The following AHNAK variants were observed in gnomAD, a reference collection of about 807,000 sequenced individuals.
AHNAK encodes the protein AHNAK nucleoprotein, also known as neuroblast differentiation-associated protein AHNAK.
In AHNAK, 23 loss-of-function variants were observed where a neutral mutation model predicts 37.8. The ratio of observed to expected loss-of-function variants is 0.61; its 90% CI spans 0.44 to 0.86. AHNAK has a LOEUF of 0.86. Among genes scored for constraint, AHNAK ranks in the 40% least tolerant of loss-of-function variants. The probability of loss-of-function intolerance (pLI) is 0.00; values close to 1 mark genes in which losing one functional copy is unlikely to be tolerated. For missense variants in AHNAK, 7,411 were observed against 7,319.4 expected (o/e 1.01, Z -0.46); for synonymous variants, 2,481 against 2,636.3 (o/e 0.94, Z 1.80).
At chr11:62,498,023 CA>C (rs1446371545) in intron 4 of AHNAK, among the ~76,000 whole-genome samples, 4 of 151,704 alleles carry the variant, frequency 2.6e-5, no homozygotes, top group African/African-American at 9.7e-5. Context: ...GAGGAATTGT[CA>C]AATATGCAAT....
chr11:62,458,367 C>T (rs1250894676), intron 5 of AHNAK, among the ~76,000 whole-genome samples: 4 of 151,952 alleles, frequency 2.6e-5, no homozygotes, highest in African/African-American at 9.7e-5. Flanking sequence ...TAGGGACGGT[C>T]CCACTTGATC....
chr11:62,441,308 G>T (rs990119176), intron 5 of AHNAK, among the ~76,000 whole-genome samples: 1 of 151,342 alleles, frequency 6.6e-6, no homozygotes, highest in African/African-American at 2.4e-5. Flanking sequence ...GGCCTCTACA[G>T]AAAATTTTTA....
intron 5 of AHNAK, among the ~76,000 whole-genome samples, chr11:62,465,492 A>G (rs1279621393): frequency 1.3e-5 from 2 of 152,018 alleles, no homozygotes; most frequent in Admixed American, 6.6e-5. Context: ...AGGCGCCTGT[A>G]ATCCCAGCTA....
chr11:62,494,033 AAATG>A (rs1352005486), intron 4 of AHNAK, among the ~76,000 whole-genome samples: 2 of 152,024 alleles, frequency 1.3e-5, no homozygotes, highest in Admixed American at 1.3e-4. Context: ...AGTGGTGAAT[AAATG>A]AATGAATGAG....
At chr11:62,511,996 G>A (rs569272979), downstream of AHNAK, among the ~76,000 whole-genome samples, 1 of 152,122 alleles carries the variant, frequency 6.6e-6, no homozygotes, top group Non-Finnish European at 1.5e-5. Flanking sequence ...TTACAGGTGC[G>A]CACCACCACG....
intron 4 of AHNAK, among the ~76,000 whole-genome samples, chr11:62,496,312 T>G (rs1939608262): frequency 6.6e-6 from 1 of 152,184 alleles, no homozygotes; most frequent in African/African-American, 2.4e-5. Context: ...AAAGCCATTA[T>G]GAAATCTAGC....
At chr11:62,475,685 A>G (rs1194488501) in intron 5 of AHNAK, among the ~76,000 whole-genome samples, 1 of 140,236 alleles carries the variant, frequency 7.1e-6, no homozygotes, top group East Asian at 2.3e-4. Context: ...GCTCACCGAA[A>G]CCTCTGCCTT....
chr11:62,510,024 A>T (rs1208104152), intron 4 of AHNAK, among the ~76,000 whole-genome samples: 3 of 152,030 alleles, frequency 2.0e-5, no homozygotes, highest in African/African-American at 7.3e-5. Flanking sequence ...TGTTTCCTGA[A>T]TTTAATTATT....
chr11:62,527,825 C>T lies in AHNAK; in HGVS notation c.6592G>A (p.Val2198Ile). ...ACAGACACATCCATATCCCCTTTGA[C>T]TTTGGGGCCTTTCAAGTTTAAGTTC... ...DVNLNLKGPK[V>I]KGDMDVSVPK... is the part of the protein sequence containing the mutation. Residue 2198 changes from valine (V) to isoleucine (I), a missense_variant, in exon 5 of 5, where the codon GTC becomes ATC. Transcript: ENST00000378024. 6.2e-7 allele frequency: 1 copy of T among 1,611,422 alleles called. No homozygotes were observed. The highest frequency in any genetic ancestry group is 8.5e-7 in the Non-Finnish European group (1 of 1,179,230).
intron 5 of AHNAK, among the ~76,000 whole-genome samples, chr11:62,467,375 C>T (rs1938933899): frequency 6.6e-6 from 1 of 152,138 alleles, no homozygotes; most frequent in Non-Finnish European, 1.5e-5. Flanking sequence ...GTCTCTACCT[C>T]GCCTAGCATT....
At position 62,520,370 on chromosome 11, in the gene AHNAK, C is replaced by T; in HGVS notation, c.14047G>A (p.Val4683Ile). The change falls in exon 5 of 5, where the codon GTC (valine) becomes ATC (isoleucine). Residue 4683 changes from valine (V) to isoleucine (I), a missense_variant. By Grantham distance (29) the Val-to-Ile change is conservative (BLOSUM62 3). Coordinates refer to ENST00000378024, the MANE Select transcript of AHNAK (RefSeq NM_001620.3). Reference sequence around the variant, plus strand: ...TCAACGTCCACTTTGGGTCCTGAGACATCAATGTCAGCCTTGGGCAGGTTC... The same window carrying T: ...TCAACGTCCACTTTGGGTCCTGAGATATCAATGTCAGCCTTGGGCAGGTTC... ...DVNLPKADID[V>I]SGPKVDVDVP... 6.2e-7 allele frequency: 1 copy of T among 1,613,206 alleles called. No individual in the cohort carries two copies. The highest frequency in any genetic ancestry group is 8.5e-7 in the Non-Finnish European group (1 of 1,179,864).
intron 5 of AHNAK, among the ~76,000 whole-genome samples, chr11:62,441,377 G>A (rs1413642943): frequency 6.6e-6 from 1 of 152,048 alleles, no homozygotes; most frequent in Non-Finnish European, 1.5e-5. Flanking sequence ...GGAGGCTGAG[G>A]CAGGAGGATC....
At chr11:62,485,328 G>A (rs955884047) in intron 5 of AHNAK, among the ~76,000 whole-genome samples, 2 of 152,026 alleles carry the variant, frequency 1.3e-5, no homozygotes, top group Non-Finnish European at 2.9e-5. Context: ...GGAGTTTGAG[G>A]CTACAGTGAG....
intron 5 of AHNAK, among the ~76,000 whole-genome samples, chr11:62,482,185 C>A (rs897212058): frequency 6.6e-6 from 1 of 152,156 alleles, no homozygotes; most frequent in Non-Finnish European, 1.5e-5. Context: ...GAGCCCAAGG[C>A]GGACTGCTCA....
At chr11:62,445,701 A>T (rs1938410254) in intron 5 of AHNAK, among the ~76,000 whole-genome samples, 1 of 152,140 alleles carries the variant, frequency 6.6e-6, no homozygotes, top group South Asian at 2.1e-4. Flanking sequence ...CCTGGGCAAC[A>T]GAGCAAGACC....
rs752324171 is a variant in AHNAK, at chr11:62,530,467, T to A, written c.3950A>T (p.His1317Leu). Residue 1317 changes from histidine to leucine, a missense_variant, in exon 5 of 5, where the codon CAC (histidine) becomes CTC (leucine). Coordinates refer to ENST00000378024, the MANE Select transcript of AHNAK (RefSeq NM_001620.3). Reference sequence around the variant, plus strand: ...CATGGAGATCTTGGGGGCCTTGAAGTGCATCTCAGGCATCTTAAACTTGGG... The same window carrying A: ...CATGGAGATCTTGGGGGCCTTGAAGAGCATCTCAGGCATCTTAAACTTGGG... ...KGPKFKMPEM[H>L]FKAPKISMPD... 6.2e-7 allele frequency: 1 copy of A among 1,613,598 alleles called. No homozygotes were observed. Among genetic ancestry groups the A allele is most frequent in the Admixed American group, 1.7e-5 (1 of 59,936 alleles).
In AHNAK at chr11:62,526,010, C is replaced by T; in HGVS notation, c.8407G>A (p.Asp2803Asn). Residue 2803 changes from aspartate (D) to asparagine (N), a missense_variant, in exon 5 of 5, where the codon GAT (aspartate) becomes AAT (asparagine). Coordinates refer to ENST00000378024, the MANE Select transcript of AHNAK (RefSeq NM_001620.3). The part of the protein sequence containing the change: ...ADIDVSGPKV[D>N]VECPDVNIEG... ...ATATTCACATCGGGACATTCAACATCCACTTTCGGTCCTGAGACATCAATG... is the reference window on the plus strand; with the variant it reads ...ATATTCACATCGGGACATTCAACATTCACTTTCGGTCCTGAGACATCAATG... 1 of 1,613,912 alleles carries T rather than the reference C, an allele frequency of 6.2e-7. No individual in the cohort carries two copies. Among genetic ancestry groups the T allele is most frequent in the African/African-American group, 1.3e-5 (1 of 74,934 alleles).
At chr11:62,445,701 A>G (rs1938410254) in intron 5 of AHNAK, among the ~76,000 whole-genome samples, 1 of 152,140 alleles carries the variant, frequency 6.6e-6, no homozygotes, top group Non-Finnish European at 1.5e-5. Context: ...CCTGGGCAAC[A>G]GAGCAAGACC....
intron 5 of AHNAK, among the ~76,000 whole-genome samples, chr11:62,437,681 A>T (rs1025376203): frequency 1.3e-5 from 2 of 152,166 alleles, no homozygotes; most frequent in Admixed American, 6.6e-5. Context: ...CCAAATACTT[A>T]GGAGTAGAAT....
Sources: allele counts gnomAD v4.1 joint callset (sites outside exome capture counted in the v4.1 genomes callset), GRCh38; gene constraint gnomAD v4.1.1; transcripts MANE v1.5; gene names NCBI Gene and HGNC (gene_info 2026-07-23, HGNC 2026-07-21).